The following FRMPD3 variants were observed in gnomAD, a reference collection of about 807,000 sequenced individuals.
FRMPD3 encodes FERM and PDZ domain containing 3.
Under a neutral mutation model 97.9 loss-of-function variants are expected in FRMPD3, and 42 were observed. That is an observed-to-expected ratio of 0.43 (90% CI 0.34 to 0.55). The LOEUF (loss-of-function observed/expected upper bound fraction) is 0.55, where lower values mean the gene tolerates loss of function less well. Ranked by LOEUF, FRMPD3 falls within the 20% of genes least tolerant of loss-of-function variation. The pLI, the probability that FRMPD3 is intolerant of heterozygous loss-of-function variation, is 0.03. For missense variants in FRMPD3, 1,303 were observed against 1,457.7 expected (o/e 0.89, Z 1.73); for synonymous variants, 577 against 581.1 (o/e 0.99, Z 0.10).
rs763535346 is a variant in FRMPD3, at chrX:107,523,654, G to A, written c.-7-2928G>A. 2.5e-4 allele frequency among the ~76,000 whole-genome samples: 28 copies of A among 112,649 alleles called. No homozygotes were observed. The South Asian group carries it at 9.7e-3, about 39-fold the overall frequency. On this transcript the variant is annotated intron_variant, in intron 1 of 14. Coordinates refer to ENST00000683843, the MANE Select transcript of FRMPD3 (RefSeq NM_001388459.1). ...CTTTTCTCCCCCAGCTAGACTGAAA[G>A]CTCTTTGAGGGCAGAGACCTGTCAC...
chrX:107,560,889 G>GC, intron 10 of FRMPD3, 36 bp downstream of exon 10: 1 of 1,162,711 alleles, frequency 8.6e-7, no homozygotes, highest in South Asian at 2.0e-5. Flanking sequence ...GGTGCTCCAG[G>GC]CACTACTGGC....
chrX:107,450,827 A>G (rs1314826122), intron 1 of FRMPD3, among the ~76,000 whole-genome samples: 2 of 110,098 alleles, frequency 1.8e-5, no homozygotes, highest in Non-Finnish European at 3.8e-5. Flanking sequence ...AAACTACATG[A>G]CAACTGCACA....
intron 1 of FRMPD3, among the ~76,000 whole-genome samples, chrX:107,471,838 A>ATG (rs1487744905): frequency 1.8e-5 from 2 of 112,362 alleles, no homozygotes; most frequent in East Asian, 2.8e-4. Context: ...GCTGAGTCAA[A>ATG]GGGTATTTCT....
At chrX:107,580,244 C>G (rs1431424051) in intron 13 of FRMPD3, among the ~76,000 whole-genome samples, 1 of 112,369 alleles carries the variant, frequency 8.9e-6, no homozygotes, top group African/African-American at 3.2e-5. Flanking sequence ...TAGACTAGGG[C>G]AATCCCCTTG....
intron 13 of FRMPD3, among the ~76,000 whole-genome samples, chrX:107,585,415 C>T (rs988608462): frequency 3.6e-5 from 4 of 111,590 alleles, no homozygotes; most frequent in African/African-American, 1.3e-4. Context: ...TCCTCTCTTC[C>T]TATTTGAATA....
At chrX:107,592,920 G>C (rs779600558) in intron 13 of FRMPD3, among the ~76,000 whole-genome samples, 1 of 107,408 alleles carries the variant, frequency 9.3e-6, no homozygotes, top group African/African-American at 3.4e-5. Context: ...CTGGGATTAC[G>C]GGCATGCACC....
chrX:107,598,748 T>C (rs758934141), intron 14 of FRMPD3, among the ~76,000 whole-genome samples: 2 of 112,501 alleles, frequency 1.8e-5, no homozygotes, highest in Non-Finnish European at 3.8e-5. Flanking sequence ...CATGGGGTTG[T>C]CACAAGGATT....
intron 1 of FRMPD3, among the ~76,000 whole-genome samples, chrX:107,459,015 G>A (rs1166474563): frequency 8.9e-6 from 1 of 112,129 alleles, no homozygotes; most frequent in Non-Finnish European, 1.9e-5. Flanking sequence ...ATGCCCTCAG[G>A]ACCTTAAGGT....
chrX:107,529,414 A>G, intron 2 of FRMPD3, among the ~76,000 whole-genome samples: 1 of 110,460 alleles, frequency 9.1e-6, no homozygotes. Context: ...ATGATGTTCC[A>G]TCTCTACTAA....
chrX:107,602,325 A>G lies in FRMPD3; in HGVS notation c.4286A>G (p.Glu1429Gly). The G allele has an allele frequency of 8.3e-7, 1 of 1,210,383 alleles. No individual in the cohort carries two copies. The highest frequency in any genetic ancestry group is 1.7e-5 in the African/African-American group (1 of 57,783). The change falls in exon 15 of 15, where the codon GAG becomes GGG. Residue 1429 changes from glutamate (E) to glycine (G), a missense_variant. By Grantham distance (98) the Glu-to-Gly change is moderately conservative. Around this residue, in one of 3 missense-constraint regions of FRMPD3, gnomAD observed 764 missense variants for 820.2 expected, o/e 0.93. Transcript: ENST00000683843. ...CTGCCCAGGGAGGCCAAGGAGGTAGAGGCAAGCCTCCCCATAGCCTTGGGT... is the reference window on the plus strand; with the variant it reads ...CTGCCCAGGGAGGCCAAGGAGGTAGGGGCAAGCCTCCCCATAGCCTTGGGT... ...GMLPREAKEV[E>G]ASLPIALGPK...
intron 1 of FRMPD3, among the ~76,000 whole-genome samples, chrX:107,459,666 G>A (rs1302348717): frequency 8.9e-6 from 1 of 112,426 alleles, no homozygotes; most frequent in Non-Finnish European, 1.9e-5. Flanking sequence ...TTCTTCTTGT[G>A]GGAGCATATG....
intron 1 of FRMPD3, among the ~76,000 whole-genome samples, chrX:107,496,261 G>T (rs1165867729): frequency 8.9e-6 from 1 of 111,736 alleles, no homozygotes; most frequent in Non-Finnish European, 1.9e-5. Context: ...AGTCCCTGGG[G>T]TCCTTGGCTT....
intron 1 of FRMPD3, among the ~76,000 whole-genome samples, chrX:107,461,025 CGTCACCTGCAAAGTCCAAACCAGCATT>C (rs1931461729): frequency 9.0e-6 from 1 of 111,632 alleles, no homozygotes; most frequent in Non-Finnish European, 1.9e-5. Flanking sequence ...GTTTAGTGTC[CGTCACCTGCAAAGTCCAAACCAGCATT>C]GGCTGTTGGG....
At chrX:107,512,823 A>ACT (rs1922201482) in intron 1 of FRMPD3, among the ~76,000 whole-genome samples, 1 of 112,121 alleles carries the variant, frequency 8.9e-6, no homozygotes, top group Non-Finnish European at 1.9e-5. Flanking sequence ...GCTAAAACGC[A>ACT]AGGATCTCCC....
At chrX:107,522,674 A>T (rs1367162374) in intron 1 of FRMPD3, among the ~76,000 whole-genome samples, 1 of 112,232 alleles carries the variant, frequency 8.9e-6, no homozygotes, top group East Asian at 2.8e-4. Flanking sequence ...ATGTGAAAGC[A>T]TCTTTTCTCA....
In FRMPD3 at chrX:107,545,802, T is replaced by G; in HGVS notation, c.363T>G (p.Val121=). The G allele has an allele frequency of 8.3e-7, 1 of 1,210,203 alleles. No homozygotes were observed. The highest frequency in any genetic ancestry group is 1.8e-5 in the South Asian group (1 of 56,955). Reference sequence around the variant, plus strand: ...AGTTGAGGTCCAATCCTGTGAAGGTTCGATTTTCTGAGCAGGTGGCAGTTG... The same window carrying G: ...AGTTGAGGTCCAATCCTGTGAAGGTGCGATTTTCTGAGCAGGTGGCAGTTG... The part of the protein sequence containing the change: ...KAKLRSNPVK[V]RFSEQVAVGE... Residue 121 remains valine, a synonymous_variant, in exon 5 of 15, where the codon GTT becomes GTG. Transcript: ENST00000683843.
chrX:107,508,875 C>A, intron 1 of FRMPD3, among the ~76,000 whole-genome samples: 1 of 111,980 alleles, frequency 8.9e-6, no homozygotes. Context: ...ATTAATTAGA[C>A]AAGTGTCTGG....
chrX:107,554,678 G>T (rs1922004145), intron 8 of FRMPD3, 174 bp downstream of exon 8: 5 of 539,039 alleles, frequency 9.3e-6, no homozygotes, highest in Non-Finnish European at 1.5e-5. Flanking sequence ...GGCTGGCCTG[G>T]TGACCTGAGC....
At chrX:107,515,612 A>C (rs1428356500) in intron 1 of FRMPD3, among the ~76,000 whole-genome samples, 1 of 112,163 alleles carries the variant, frequency 8.9e-6, no homozygotes, top group African/African-American at 3.2e-5. Flanking sequence ...AACGTTTTTG[A>C]GGAATTTTGT....
Sources: allele counts gnomAD v4.1 joint callset (sites outside exome capture counted in the v4.1 genomes callset), GRCh38; gene constraint gnomAD v4.1.1; regional missense constraint gnomAD v4.1.1; transcripts MANE v1.5; gene names NCBI Gene and HGNC (gene_info 2026-07-23, HGNC 2026-07-21).